DRG1: variants seen among roughly 807,000 people sequenced by gnomAD.
DRG1 encodes developmentally-regulated GTP-binding protein 1.
A neutral mutation model predicts 38.8 loss-of-function variants in DRG1; 19 were observed. That is an observed-to-expected ratio of 0.49 (90% CI 0.34 to 0.72). The LOEUF is 0.72. Ranked by LOEUF, DRG1 falls within the 30% of genes least tolerant of loss-of-function variation. DRG1 has a pLI of 0.01. For synonymous variants in DRG1, 167 were observed against 157.5 expected (o/e 1.06, Z -0.45); for missense variants, 299 against 444.8 (o/e 0.67, Z 2.95).
intron 2 of DRG1, among the ~76,000 whole-genome samples, chr22:31,402,502 T>C: frequency 7.4e-6 from 1 of 134,624 alleles, no homozygotes; most frequent in Admixed American, 8.2e-5. Flanking sequence ...ATTTGGGCTG[T>C]ACCTTTTTTT....
In DRG1 at chr22:31,417,258, C is replaced by G. The variant is rs530200182; in HGVS notation, c.413-2998C>G. On this transcript the variant is annotated intron_variant, in intron 4 of 8. Coordinates refer to ENST00000331457, the MANE Select transcript of DRG1 (RefSeq NM_004147.4). Reference sequence around the variant, plus strand: ...GGTGGTGCGCGCCTGTAGTCCCAAGCTGCTCGGGAGGCTGAGGCAGGAGAA... The same window carrying G: ...GGTGGTGCGCGCCTGTAGTCCCAAGGTGCTCGGGAGGCTGAGGCAGGAGAA... Among the ~76,000 whole-genome samples, 24 of 152,016 alleles carry G rather than the reference C, an allele frequency of 1.6e-4. No individual in the cohort carries two copies. In the South Asian group the frequency reaches 4.8e-3, roughly 30 times the overall value.
At chr22:31,407,655 G>C (rs1237134044) in intron 3 of DRG1, among the ~76,000 whole-genome samples, 3 of 143,690 alleles carry the variant, frequency 2.1e-5, no homozygotes, top group Non-Finnish European at 3.1e-5. Flanking sequence ...TCTTTTGTTT[G>C]TTTTATTTTT....
intron 2 of DRG1, among the ~76,000 whole-genome samples, chr22:31,402,050 C>T (rs1262319211): frequency 6.8e-6 from 1 of 146,714 alleles, no homozygotes; most frequent in South Asian, 2.2e-4. Context: ...GACTCTGTCT[C>T]AAGAAAAAAA....
intron 3 of DRG1, among the ~76,000 whole-genome samples, chr22:31,404,940 A>T (rs1295467712): frequency 6.7e-6 from 1 of 149,892 alleles, no homozygotes; most frequent in Non-Finnish European, 1.5e-5. Flanking sequence ...TTAAATAAAT[A>T]TTTTTTTTTT....
At chr22:31,426,834 C>A in intron 7 of DRG1, 52 bp downstream of exon 7, 3 of 1,573,356 alleles carry the variant, frequency 1.9e-6, no homozygotes, top group Non-Finnish European at 2.6e-6. Context: ...CCAGACTGTC[C>A]TAAAATGATA....
rs1467513151 is a variant in DRG1 at position 31,427,025 on chromosome 22, A to C, written c.882-35A>C. 3.7e-6 allele frequency: 6 copies of C among 1,612,722 alleles called. No homozygotes were observed. In the Admixed American group the frequency reaches 8.4e-5, roughly 22 times the overall value. On this transcript the variant is annotated intron_variant, in intron 7 of 8. Coordinates refer to ENST00000331457, the MANE Select transcript of DRG1 (RefSeq NM_004147.4). ...TACATTCAACACATGAGATAGTCTA[A>C]GAAGGCAGTAATCTTTATGCCCTCT...
chr22:31,408,752 C>CAAAAAAAAAAAA (rs66474618), intron 3 of DRG1, among the ~76,000 whole-genome samples: 1 of 111,490 alleles, frequency 9.0e-6, no homozygotes. Flanking sequence ...GACTCATTCT[C>CAAAAAAAAAAAA]AAAAAAAAAA....
intron 2 of DRG1, among the ~76,000 whole-genome samples, chr22:31,401,892 A>G (rs1186642297): frequency 6.6e-6 from 1 of 151,996 alleles, no homozygotes; most frequent in Non-Finnish European, 1.5e-5. Context: ...CTCTGCTAAA[A>G]ATACAAAAAT....
At chr22:31,428,453 T>C (rs1022650110) in intron 8 of DRG1, among the ~76,000 whole-genome samples, 11 of 152,152 alleles carry the variant, frequency 7.2e-5, no homozygotes, top group Admixed American at 3.3e-4. Context: ...GACCTTGTGA[T>C]CTGCCCGCCT....
At chr22:31,403,756 C>T (rs1017747465) in intron 3 of DRG1, among the ~76,000 whole-genome samples, 25 of 151,936 alleles carry the variant, frequency 1.6e-4, no homozygotes, top group Non-Finnish European at 3.5e-4. Context: ...TGCGGGATTA[C>T]AGGTGTGAGC....
chr22:31,412,151 G>A (rs1415877108), intron 4 of DRG1, among the ~76,000 whole-genome samples: 2 of 151,112 alleles, frequency 1.3e-5, no homozygotes, highest in Non-Finnish European at 3.0e-5. Context: ...AAAATTAACC[G>A]GGAGTGGTGG....
At chr22:31,433,094 G>A (rs2050150075) in intron 8 of DRG1, among the ~76,000 whole-genome samples, 1 of 151,846 alleles carries the variant, frequency 6.6e-6, no homozygotes, top group African/African-American at 2.4e-5. Context: ...TTCTGGTTAG[G>A]GAGGAAGATT....
chr22:31,403,276 C>T (rs2049972496), intron 3 of DRG1, 72 bp downstream of exon 3: 1 of 1,458,864 alleles, frequency 6.9e-7, no homozygotes, highest in Non-Finnish European at 9.2e-7. Flanking sequence ...ATTGGGAGCT[C>T]ACTGTATGCC....
At chr22:31,426,978 CA>C in intron 7 of DRG1, 81 bp from the exon 8 acceptor site, 1 of 1,582,850 alleles carries the variant, frequency 6.3e-7, no homozygotes, top group Non-Finnish European at 8.6e-7. Context: ...GGTCTGATGT[CA>C]GGGGTGATGG....
chr22:31,416,551 T>A lies in DRG1; in HGVS notation c.413-3705T>A, dbSNP rs540377548. Among the ~76,000 whole-genome samples, 19 of 152,088 alleles carry A rather than the reference T, an allele frequency of 1.2e-4. No homozygotes were observed. In the East Asian group the frequency reaches 2.7e-3, roughly 22 times the overall value. On this transcript the variant is annotated intron_variant, in intron 4 of 8. Transcript: ENST00000331457. ...GGGTGGATCACCTGAGGTCAGGAGTTCAAGACCAGCCTGGCCAACGTGGTG... is the reference window on the plus strand; with the variant it reads ...GGGTGGATCACCTGAGGTCAGGAGTACAAGACCAGCCTGGCCAACGTGGTG...
In DRG1 at chr22:31,415,738, C is replaced by T. The variant is rs5753603; in HGVS notation, c.413-4518C>T. Among the ~76,000 whole-genome samples, 4,733 of 152,136 alleles carry T rather than the reference C, an allele frequency of 0.031. 421 individuals carry two copies. The East Asian group carries it at 0.34, about 11-fold the overall frequency. Reference sequence around the variant, plus strand: ...TCTTTCCTTAGGTCTTAGATATAGTCTCCTGTTTTTTCTATACTTTTAGGT... The same window carrying T: ...TCTTTCCTTAGGTCTTAGATATAGTTTCCTGTTTTTTCTATACTTTTAGGT... On this transcript the variant is annotated intron_variant, in intron 4 of 8. Transcript: ENST00000331457.
chr22:31,416,817 C>T (rs1404805374), intron 4 of DRG1, among the ~76,000 whole-genome samples: 2 of 151,306 alleles, frequency 1.3e-5, no homozygotes, highest in Non-Finnish European at 2.9e-5. Context: ...GCAGGAGAAT[C>T]GCTTGAATCC....
rs973398720 is a variant in DRG1 at position 31,426,201 on chromosome 22, A to G, written c.714-414A>G. ...GGATTGCTTCCAGGACCCCTTGCAG[A>G]TAATGAAACCTGCAGATGCTCAAGG... is the stretch of plus-strand genomic sequence containing the variant. On this transcript the variant is annotated intron_variant, in intron 6 of 8. Coordinates refer to ENST00000331457, the MANE Select transcript of DRG1 (RefSeq NM_004147.4). Among the ~76,000 whole-genome samples, 4 of 152,208 alleles carry G rather than the reference A, an allele frequency of 2.6e-5. No homozygotes were observed. In the East Asian group the frequency reaches 7.7e-4, roughly 29 times the overall value.
At chr22:31,422,329 G>T (rs1006623622) in intron 5 of DRG1, among the ~76,000 whole-genome samples, 7 of 152,090 alleles carry the variant, frequency 4.6e-5, no homozygotes, top group Middle Eastern at 3.4e-3. Context: ...TACTTCGGAG[G>T]CTGAGGCAGG....
Sources: allele counts gnomAD v4.1 joint callset (sites outside exome capture counted in the v4.1 genomes callset), GRCh38; gene constraint gnomAD v4.1.1; transcripts MANE v1.5; gene names NCBI Gene and HGNC (gene_info 2026-07-23, HGNC 2026-07-21).